The following MAOA variants were observed in gnomAD, a reference collection of about 807,000 sequenced individuals.
MAOA encodes monoamine oxidase A.
MAOA carries 6 observed loss-of-function variants against 42.0 expected under a neutral mutation model. The observed-to-expected ratio is 0.14, with a 90% CI of 0.08 to 0.28. The LOEUF (loss-of-function observed/expected upper bound fraction) is 0.28, where lower values mean the gene tolerates loss of function less well. Ranked by LOEUF, MAOA falls within the 10% of genes least tolerant of loss-of-function variation. The pLI, the probability that MAOA is intolerant of heterozygous loss-of-function variation, is 1.00. For synonymous variants in MAOA, 140 were observed against 154.0 expected (o/e 0.91, Z 0.67); for missense variants, 262 against 422.3 (o/e 0.62, Z 3.33).
At chrX:43,716,575 A>G (rs2033745556) in intron 5 of MAOA, among the ~76,000 whole-genome samples, 1 of 110,794 alleles carries the variant, frequency 9.0e-6, no homozygotes, top group Non-Finnish European at 1.9e-5. Context: ...GAGGGGAGAT[A>G]GGATAGTTGA....
At chrX:43,684,859 C>A (rs868706429) in intron 2 of MAOA, among the ~76,000 whole-genome samples, 6 of 91,042 alleles carry the variant, frequency 6.6e-5, no homozygotes, top group Non-Finnish European at 1.3e-4. Context: ...TCTTTCTTTT[C>A]TTTTCTTTTC....
upstream of MAOA, chrX:43,655,813 C>A (rs2033173940): frequency 7.6e-6 from 1 of 131,280 alleles, no homozygotes; most frequent in Non-Finnish European, 1.5e-5. Context: ...CCCAGTAACA[C>A]CCCCGAGTGT....
intron 2 of MAOA, among the ~76,000 whole-genome samples, chrX:43,691,094 G>A (rs188819391): frequency 4.5e-5 from 5 of 111,677 alleles, no homozygotes; most frequent in East Asian, 2.8e-4. Flanking sequence ...AAATAAATAC[G>A]AGATCAGAGC....
chrX:43,664,521 G>A (rs1009637180), intron 1 of MAOA, among the ~76,000 whole-genome samples: 4 of 111,266 alleles, frequency 3.6e-5, no homozygotes, highest in Non-Finnish European at 5.7e-5. Flanking sequence ...GAAGTGACAA[G>A]GAAAGGATTT....
chrX:43,686,184 A>G (rs890259832), intron 2 of MAOA, among the ~76,000 whole-genome samples: 5 of 111,773 alleles, frequency 4.5e-5, no homozygotes, highest in Non-Finnish European at 7.5e-5. Flanking sequence ...CCTTAGCTCT[A>G]TTTTTCTTAT....
At chrX:43,679,310 G>C (rs1203593207) in intron 1 of MAOA, among the ~76,000 whole-genome samples, 1 of 109,181 alleles carries the variant, frequency 9.2e-6, no homozygotes, top group Non-Finnish European at 1.9e-5. Flanking sequence ...TTCCTGAGTA[G>C]TGTTTATTTA....
intron 10 of MAOA, among the ~76,000 whole-genome samples, chrX:43,740,061 G>T (rs2033948307): frequency 8.9e-6 from 1 of 112,058 alleles, no homozygotes; most frequent in Admixed American, 9.5e-5. Flanking sequence ...CTGTGTTTGA[G>T]GTAACATTAG....
intron 9 of MAOA, among the ~76,000 whole-genome samples, chrX:43,733,822 T>C (rs1376687605): frequency 1.8e-5 from 2 of 111,820 alleles, no homozygotes; most frequent in Non-Finnish European, 3.8e-5. Flanking sequence ...TAATGAGACA[T>C]TTTATAACCA....
Position 43,728,334 on chromosome X carries a change from GT to G in MAOA, c.645+22del. ...GGCCAGGTATGGTGTGTATGTGTCT[GT>G]TCTGAAACAAGAGCTTCATCTGTGA... On this transcript the variant is annotated intron_variant, in intron 6 of 14. Transcript: ENST00000338702. The G allele has an allele frequency of 8.3e-7, 1 of 1,208,934 alleles. No homozygotes were observed. Among genetic ancestry groups the G allele is most frequent in the Middle Eastern group, 2.3e-4 (1 of 4,299 alleles).
intron 5 of MAOA, among the ~76,000 whole-genome samples, chrX:43,718,156 A>G (rs2033759203): frequency 9.4e-6 from 1 of 106,326 alleles, no homozygotes; most frequent in Non-Finnish European, 2.0e-5. Context: ...TCTTCCAAGA[A>G]TGATTCACAG....
intron 5 of MAOA, among the ~76,000 whole-genome samples, chrX:43,717,082 GA>G (rs1408396443): frequency 9.0e-6 from 1 of 110,711 alleles, no homozygotes; most frequent in East Asian, 2.9e-4. Context: ...GGGAGAGTAA[GA>G]AAGATGAGTG....
chrX:43,700,180 C>T (rs2033611615), intron 3 of MAOA, among the ~76,000 whole-genome samples: 1 of 111,976 alleles, frequency 8.9e-6, no homozygotes, highest in Non-Finnish European at 1.9e-5. Flanking sequence ...CTCACTTGAG[C>T]TTCCCAATGG....
At position 43,744,583 on chromosome X, in the gene MAOA, A is replaced by G. The variant is rs1264570349; in HGVS notation, c.*70A>G. 3 of 1,112,729 alleles carry G rather than the reference A, an allele frequency of 2.7e-6. No individual in the cohort carries two copies. Among genetic ancestry groups the G allele is most frequent in the Non-Finnish European group, 3.7e-6 (3 of 807,988 alleles). The allele number at this position is 1,112,729 out of a possible 1,213,427, so 91.7% of individuals were successfully genotyped here. Reference sequence around the variant, plus strand: ...AAGAGGAAAATATTGACAAGTTTAAAGGCTGTGTCATTGGGCCATGTTTAA... The same window carrying G: ...AAGAGGAAAATATTGACAAGTTTAAGGGCTGTGTCATTGGGCCATGTTTAA... On this transcript the variant is annotated 3_prime_UTR_variant, in exon 15 of 15. Coordinates refer to ENST00000338702, the MANE Select transcript of MAOA (RefSeq NM_000240.4).
intron 5 of MAOA, among the ~76,000 whole-genome samples, chrX:43,716,361 TGAG>T (rs2033744080): frequency 1.8e-5 from 2 of 110,286 alleles, no homozygotes; most frequent in Admixed American, 1.9e-4. Flanking sequence ...ACTACAAAAT[TGAG>T]GAAGGAGGGG....
intron 1 of MAOA, among the ~76,000 whole-genome samples, chrX:43,665,421 G>A (rs945615663): frequency 9.0e-6 from 1 of 111,063 alleles, no homozygotes; most frequent in Admixed American, 9.6e-5. Context: ...CTCATGTTCC[G>A]TAAAACATTT....
chrX:43,737,239 A>G (rs1201367804), intron 10 of MAOA, among the ~76,000 whole-genome samples: 2 of 110,917 alleles, frequency 1.8e-5, no homozygotes, highest in Non-Finnish European at 3.8e-5. Context: ...TCAAACAACC[A>G]TGAGATTGTG....
chrX:43,727,141 C>A (rs1037241082), intron 5 of MAOA, among the ~76,000 whole-genome samples: 4 of 112,077 alleles, frequency 3.6e-5, no homozygotes, highest in Non-Finnish European at 5.6e-5. Context: ...CTCAGTCAGG[C>A]TACACGGGGG....
chrX:43,664,487 G>C (rs2033260250), intron 1 of MAOA, among the ~76,000 whole-genome samples: 1 of 111,520 alleles, frequency 9.0e-6, no homozygotes, highest in South Asian at 3.8e-4. Context: ...GCACAGAGGA[G>C]GGAGGAGTTA....
At chrX:43,708,174 G>A (rs1409550375) in intron 3 of MAOA, among the ~76,000 whole-genome samples, 1 of 111,195 alleles carries the variant, frequency 9.0e-6, no homozygotes, top group Non-Finnish European at 1.9e-5. Flanking sequence ...GCCCTTTAGA[G>A]ATTAAAGGCC....
Sources: allele counts gnomAD v4.1 joint callset (sites outside exome capture counted in the v4.1 genomes callset), GRCh38; gene constraint gnomAD v4.1.1; transcripts MANE v1.5; gene names NCBI Gene and HGNC (gene_info 2026-07-23, HGNC 2026-07-21).